The following HDAC1 variants were observed in gnomAD, a reference collection of about 807,000 sequenced individuals.
The protein encoded by HDAC1 is protein deacetylase HDAC1.
Under a neutral mutation model 65.5 loss-of-function variants are expected in HDAC1, and 18 were observed. That is an observed-to-expected ratio of 0.27 (90% CI 0.19 to 0.41). The LOEUF is 0.41. HDAC1 is among the 10% of genes least tolerant of loss of function. HDAC1 has a pLI of 1.00. For missense variants in HDAC1, 373 were observed against 625.2 expected, an observed-to-expected ratio of 0.60 and a Z score of 4.30; for synonymous variants, 211 against 227.9, an observed-to-expected ratio of 0.93 and a Z score of 0.67.
At chr1:32,314,385 G>T (rs1172163128) in intron 2 of HDAC1, among the ~76,000 whole-genome samples, 1 of 151,882 alleles carries the variant, frequency 6.6e-6, no homozygotes, top group South Asian at 2.1e-4. Context: ...TAGAGACAGG[G>T]TTTCACCACG....
In HDAC1 at chr1:32,327,332, G is replaced by A. The variant is rs1019951342; in HGVS notation, c.495-204G>A. On this transcript the variant is annotated intron_variant, in intron 5 of 13. Coordinates refer to ENST00000373548, the MANE Select transcript of HDAC1 (RefSeq NM_004964.3). The surrounding 1 kb of genome is among the most constrained non-coding windows in gnomAD (Gnocchi z 6.0). ...GTGGCTGGAGTTGACCCTGGCTGTA[G>A]AGTAGGAAGATCGGACTTGGTCGGC... 6 of 621,394 alleles carry A rather than the reference G, an allele frequency of 9.7e-6. No individual in the cohort carries two copies. The Admixed American group carries it at 1.7e-4, about 18-fold the overall frequency. 38.5% of individuals were successfully genotyped at this position (621,394 alleles called of 1,614,324 possible).
At chr1:32,315,612 C>G (rs1641050195) in intron 2 of HDAC1, among the ~76,000 whole-genome samples, 1 of 151,160 alleles carries the variant, frequency 6.6e-6, no homozygotes, top group Admixed American at 6.6e-5. Flanking sequence ...CTCAGCCTCC[C>G]AAAGTGCTGG....
intron 1 of HDAC1, among the ~76,000 whole-genome samples, chr1:32,293,275 C>T (rs973132639): frequency 1.3e-5 from 2 of 148,214 alleles, no homozygotes; most frequent in African/African-American, 2.5e-5. Flanking sequence ...GAGCTGAGAT[C>T]GTGCCACTGC....
At chr1:32,293,304 G>A (rs1357534834) in intron 1 of HDAC1, among the ~76,000 whole-genome samples, 1 of 147,388 alleles carries the variant, frequency 6.8e-6, no homozygotes, top group Non-Finnish European at 1.5e-5. Context: ...TTGGACAACA[G>A]AGCGAGGCTC....
intron 3 of HDAC1, among the ~76,000 whole-genome samples, chr1:32,321,920 A>T (rs561115992): frequency 6.6e-6 from 1 of 152,266 alleles, no homozygotes; most frequent in East Asian, 1.9e-4. Context: ...TTATTTACAC[A>T]GCCTCCCAGT....
intron 3 of HDAC1, among the ~76,000 whole-genome samples, chr1:32,317,529 G>C (rs12022567): frequency 6.6e-6 from 1 of 152,176 alleles, no homozygotes. Flanking sequence ...GGAAGTGTCA[G>C]AAAATATGCG....
rs186621071 is a variant in HDAC1 at position 32,302,803 on chromosome 1, T to G, written c.162+70T>G. 6.2e-5 allele frequency: 48 copies of G among 771,260 alleles called. No homozygotes were observed. In the East Asian group the frequency reaches 1.1e-3, roughly 18 times the overall value. 47.8% of individuals were successfully genotyped at this position (771,260 alleles called of 1,614,324 possible). On this transcript the variant is annotated intron_variant, in intron 2 of 13. Transcript: ENST00000373548. ...GGTTCCCCATATGCCATTCATTATC[T>G]CATTTTCTCCACCACTCATTCACTC...
intron 3 of HDAC1, among the ~76,000 whole-genome samples, chr1:32,321,040 G>A (rs1641135319): frequency 6.6e-6 from 1 of 151,324 alleles, no homozygotes; most frequent in African/African-American, 2.4e-5. Context: ...GACCATCCTG[G>A]CTAACACAGT....
intron 6 of HDAC1, among the ~76,000 whole-genome samples, chr1:32,328,085 G>C (rs1641242725): frequency 6.6e-6 from 1 of 152,128 alleles, no homozygotes; most frequent in African/African-American, 2.4e-5. Context: ...AAGTACATGA[G>C]ATTTTACATC....
intron 1 of HDAC1, among the ~76,000 whole-genome samples, chr1:32,301,900 G>A (rs191156595): frequency 6.6e-6 from 1 of 152,288 alleles, no homozygotes; most frequent in Admixed American, 6.5e-5. Context: ...GGGATTACAG[G>A]CTCATGCCAC....
Position 32,330,192 on chromosome 1 carries a change from T to C in HDAC1, c.730-386T>C, listed in dbSNP as rs1455305061. ...CTCTGCTTGTGAGAATAAGATAAACTAAAAGTGCTTGCTCATAATGTAAGG... is the reference window on the plus strand; with the variant it reads ...CTCTGCTTGTGAGAATAAGATAAACCAAAAGTGCTTGCTCATAATGTAAGG... On this transcript the variant is annotated intron_variant, in intron 7 of 13. Transcript: ENST00000373548. This position sits in a 1 kb window ranked among gnomAD's most constrained non-coding sequence, Gnocchi z 4.2. 4.6e-6 allele frequency: 1 copy of C among 216,110 alleles called. No individual in the cohort carries two copies. The highest frequency in any genetic ancestry group is 9.4e-6 in the Non-Finnish European group (1 of 106,534). 13.4% of individuals were successfully genotyped at this position (216,110 alleles called of 1,614,324 possible).
At chr1:32,316,283 C>CAAAAAAAAAAAAAAA (rs879826419) in intron 2 of HDAC1, among the ~76,000 whole-genome samples, 2 of 139,396 alleles carry the variant, frequency 1.4e-5, no homozygotes, top group African/African-American at 5.7e-5. Context: ...GACTCCGTCT[C>CAAAAAAAAAAAAAAA]AAAAAAAAAA....
intron 2 of HDAC1, among the ~76,000 whole-genome samples, chr1:32,304,207 T>G (rs1640883719): frequency 6.6e-6 from 1 of 152,146 alleles, no homozygotes; most frequent in African/African-American, 2.4e-5. Flanking sequence ...TTGTCACCAT[T>G]CCAGAGACTG....
rs370783702 is a variant in HDAC1 at position 32,330,551 on chromosome 1, G to A, written c.730-27G>A. The A allele has an allele frequency of 4.0e-6, 6 of 1,494,390 alleles. No homozygotes were observed. In the South Asian group the frequency reaches 6.8e-5, roughly 17 times the overall value. The allele number at this position is 1,494,390 out of a possible 1,614,324, so 92.6% of individuals were successfully genotyped here. A position where few individuals can be genotyped will look rare whatever the true frequency, so the allele number is the denominator to read the frequency against. ...AACCTCGTATTGCTTTCTTGAGGTTGGTGGTGACCAGGATGTATCATTTTA... is the reference window on the plus strand; with the variant it reads ...AACCTCGTATTGCTTTCTTGAGGTTAGTGGTGACCAGGATGTATCATTTTA... On this transcript the variant is annotated intron_variant, in intron 7 of 13. Transcript: ENST00000373548. This position sits in a 1 kb window ranked among gnomAD's most constrained non-coding sequence, Gnocchi z 4.2.
intron 2 of HDAC1, 48 bp from the exon 3 acceptor site, chr1:32,316,617 C>A: frequency 2.0e-6 from 2 of 998,714 alleles, no homozygotes; most frequent in South Asian, 1.3e-5. Flanking sequence ...ATTGACTGGA[C>A]TGGCCGTGGT....
Position 32,327,881 on chromosome 1 carries a change from A to C in HDAC1, c.636+204A>C, listed in dbSNP as rs1176614767. On this transcript the variant is annotated intron_variant, in intron 6 of 13. Transcript: ENST00000373548. The surrounding 1 kb of genome is among the most constrained non-coding windows in gnomAD (Gnocchi z 6.0). Reference sequence around the variant, plus strand: ...TGGGACATAAAGGGCCAGAGAAAGAAGAGGGGTCTCCTGACTCACTGTACT... The same window carrying C: ...TGGGACATAAAGGGCCAGAGAAAGACGAGGGGTCTCCTGACTCACTGTACT... 3 of 610,698 alleles carry C rather than the reference A, an allele frequency of 4.9e-6. No individual in the cohort carries two copies. The highest frequency in any genetic ancestry group is 2.5e-5 in the Admixed American group (1 of 39,574). 37.8% of individuals were successfully genotyped at this position (610,698 alleles called of 1,614,324 possible).
At chr1:32,295,411 AAAG>A (rs1640756486) in intron 1 of HDAC1, among the ~76,000 whole-genome samples, 1 of 152,076 alleles carries the variant, frequency 6.6e-6, no homozygotes, top group Non-Finnish European at 1.5e-5. Context: ...AAAAAAAAAA[AAAG>A]AACATAAATG....
rs527688761 is a variant in HDAC1, at chr1:32,326,828, A to G, written c.356-111A>G. On this transcript the variant is annotated intron_variant, in intron 4 of 13. Coordinates refer to ENST00000373548, the MANE Select transcript of HDAC1 (RefSeq NM_004964.3). ...AGGGGACTGGTCTATGAATTGCACA[A>G]TACAGCTGTTGAATAGGCAGGTCTT... The G allele has an allele frequency of 4.5e-5, 49 of 1,100,066 alleles. No individual in the cohort carries two copies. The Admixed American group carries it at 7.6e-4, about 17-fold the overall frequency. The allele number at this position is 1,100,066 out of a possible 1,614,324, so 68.1% of individuals were successfully genotyped here. A position where few individuals can be genotyped will look rare whatever the true frequency, so the allele number is the denominator to read the frequency against.
chr1:32,321,243 A>T (rs1273287055), intron 3 of HDAC1, among the ~76,000 whole-genome samples: 3 of 150,334 alleles, frequency 2.0e-5, no homozygotes, highest in Admixed American at 6.6e-5. Context: ...AAAAAAAAAA[A>T]TAATAATAAT....
Sources: gnomAD v4.1 joint callset for allele counts (sites outside exome capture counted in the v4.1 genomes callset) on GRCh38, gnomAD v4.1.1 for gene constraint, Gnocchi (gnomAD v3.1) non-coding constraint, MANE v1.5 for transcripts, NCBI Gene and HGNC (gene_info 2026-07-23, HGNC 2026-07-21) for gene names.